The following RAB3C variants were observed in gnomAD, a reference collection of about 807,000 sequenced individuals.
RAB3C encodes the protein RAB3C, member RAS oncogene family, also known as ras-related protein Rab-3C.
Under a neutral mutation model 26.4 loss-of-function variants are expected in RAB3C, and 17 were observed. The ratio of observed to expected loss-of-function variants is 0.64; its 90% CI spans 0.44 to 0.97. RAB3C has a LOEUF of 0.97. Among genes scored for constraint, RAB3C ranks in the 50% least tolerant of loss-of-function variants. RAB3C has a pLI of 0.00. For synonymous variants in RAB3C, 91 were observed against 95.9 expected, an observed-to-expected ratio of 0.95 and a Z score of 0.30; for missense variants, 242 against 281.9, an observed-to-expected ratio of 0.86 and a Z score of 1.01.
intron 2 of RAB3C, among the ~76,000 whole-genome samples, chr5:58,665,217 C>T (rs1747979168): frequency 6.6e-6 from 1 of 151,144 alleles, no homozygotes; most frequent in African/African-American, 2.5e-5. Context: ...AAATTTAATG[C>T]ACAAAAAAAA....
intron 1 of RAB3C, among the ~76,000 whole-genome samples, chr5:58,596,807 A>G (rs1472457890): frequency 2.5e-3 from 249 of 99,110 alleles, no homozygotes; most frequent in African/African-American, 0.01. Flanking sequence ...AATTTATAAT[A>G]TATAATACAT....
At chr5:58,721,742 CTT>C (rs1463339698) in intron 2 of RAB3C, among the ~76,000 whole-genome samples, 1 of 151,616 alleles carries the variant, frequency 6.6e-6, no homozygotes, top group Non-Finnish European at 1.5e-5. Context: ...TAATTTTATT[CTT>C]TATATTTGGA....
At chr5:58,820,861 T>A (rs1743323769) in intron 3 of RAB3C, among the ~76,000 whole-genome samples, 1 of 152,204 alleles carries the variant, frequency 6.6e-6, no homozygotes, top group South Asian at 2.1e-4. Flanking sequence ...TGTATGTGCA[T>A]AAATGTATAA....
At chr5:58,663,886 T>G (rs754278884) in intron 2 of RAB3C, among the ~76,000 whole-genome samples, 1 of 152,220 alleles carries the variant, frequency 6.6e-6, no homozygotes, top group Non-Finnish European at 1.5e-5. Flanking sequence ...TGGCACTTTC[T>G]TATAAAACTA....
At chr5:58,751,717 G>T (rs888405519) in intron 3 of RAB3C, among the ~76,000 whole-genome samples, 4 of 152,210 alleles carry the variant, frequency 2.6e-5, no homozygotes, top group African/African-American at 9.6e-5. Flanking sequence ...TTACTTGAAT[G>T]AAGAGTATAT....
Position 58,851,102 on chromosome 5 carries a change from A to G in RAB3C, c.497-62A>G, listed in dbSNP as rs1186207414. Reference sequence around the variant, plus strand: ...CTCATCACTATTGAAAGCCATAATCAAGTCCCATTTAATTTCAGAAATGCA... The same window carrying G: ...CTCATCACTATTGAAAGCCATAATCGAGTCCCATTTAATTTCAGAAATGCA... On this transcript the variant is annotated intron_variant, in intron 4 of 4. Transcript: ENST00000282878. The G allele has an allele frequency of 2.7e-6, 4 of 1,482,120 alleles. No individual in the cohort carries two copies. In the Admixed American group the frequency reaches 7.9e-5, roughly 29 times the overall value. The allele number at this position is 1,482,120 out of a possible 1,614,324, so 91.8% of individuals were successfully genotyped here.
intron 4 of RAB3C, among the ~76,000 whole-genome samples, chr5:58,848,054 G>A (rs1302540275): frequency 2.6e-5 from 4 of 151,986 alleles, no homozygotes; most frequent in Admixed American, 6.6e-5. Flanking sequence ...GCAGGGTTTC[G>A]CCATGTTGGC....
intron 2 of RAB3C, 152 bp from the exon 3 acceptor site, chr5:58,725,850 T>C: frequency 2.2e-6 from 1 of 463,142 alleles, no homozygotes; most frequent in Non-Finnish European, 3.9e-6. Flanking sequence ...TTTTTAAAAA[T>C]CATTAGGGGA....
intron 2 of RAB3C, among the ~76,000 whole-genome samples, chr5:58,638,116 C>T (rs1221712345): frequency 6.6e-6 from 1 of 152,002 alleles, no homozygotes; most frequent in Non-Finnish European, 1.5e-5. Flanking sequence ...GTTATGTTGC[C>T]TAGTTGACAT....
intron 2 of RAB3C, among the ~76,000 whole-genome samples, chr5:58,722,182 G>A (rs947377444): frequency 1.3e-5 from 2 of 151,794 alleles, no homozygotes; most frequent in African/African-American, 2.4e-5. Flanking sequence ...ACCATCACTG[G>A]AAGAGGTCAA....
intron 2 of RAB3C, among the ~76,000 whole-genome samples, chr5:58,697,988 G>A (rs887105997): frequency 2.6e-5 from 4 of 152,148 alleles, no homozygotes; most frequent in East Asian, 3.8e-4. Context: ...TATTTTGTCC[G>A]TTAATTGATG....
At chr5:58,802,293 G>C (rs1297618249) in intron 3 of RAB3C, among the ~76,000 whole-genome samples, 1 of 152,024 alleles carries the variant, frequency 6.6e-6, no homozygotes, top group Non-Finnish European at 1.5e-5. Context: ...CTGGCTAATG[G>C]GCGAGCACAC....
chr5:58,803,242 A>G (rs1742850222), intron 3 of RAB3C, among the ~76,000 whole-genome samples: 1 of 152,208 alleles, frequency 6.6e-6, no homozygotes, highest in South Asian at 2.1e-4. Context: ...CTGATGTCAG[A>G]AGCACTAAAC....
Position 58,854,007 on chromosome 5 carries a change from T to C in RAB3C, c.*2656T>C, listed in dbSNP as rs1579954905. On this transcript the variant is annotated 3_prime_UTR_variant, in exon 5 of 5. Coordinates refer to ENST00000282878, the MANE Select transcript of RAB3C (RefSeq NM_138453.4). ...ATGTTACTTATAAATTATAACACTA[T>C]AGTTCCAAGGTTTTTCAGCCTTTTG... 2.0e-5 allele frequency: 3 copies of C among 150,916 alleles called. No homozygotes were observed. Among genetic ancestry groups the C allele is most frequent in the South Asian group, 4.2e-4 (2 of 4,758 alleles). 9.3% of individuals were successfully genotyped at this position (150,916 alleles called of 1,614,324 possible).
At chr5:58,785,298 T>A (rs1742353822) in intron 3 of RAB3C, among the ~76,000 whole-genome samples, 1 of 152,190 alleles carries the variant, frequency 6.6e-6, no homozygotes, top group Admixed American at 6.5e-5. Flanking sequence ...AGCCTGGCCC[T>A]TGGGAGTTCT....
At chr5:58,782,297 TG>T (rs1742288524) in intron 3 of RAB3C, among the ~76,000 whole-genome samples, 1 of 152,154 alleles carries the variant, frequency 6.6e-6, no homozygotes, top group Non-Finnish European at 1.5e-5. Context: ...TACATGCTTG[TG>T]TGTTACATGA....
intron 1 of RAB3C, among the ~76,000 whole-genome samples, chr5:58,611,597 ATTTG>A (rs1259529095): frequency 2.6e-5 from 4 of 151,832 alleles, no homozygotes; most frequent in African/African-American, 9.7e-5. Context: ...TCTCTTGTAG[ATTTG>A]TTTAAGTTCC....
intron 3 of RAB3C, among the ~76,000 whole-genome samples, chr5:58,738,264 T>C (rs1300028252): frequency 6.6e-6 from 1 of 152,080 alleles, no homozygotes; most frequent in Non-Finnish European, 1.5e-5. Context: ...AGAAAATAGC[T>C]CTTTAAAGAA....
intron 3 of RAB3C, among the ~76,000 whole-genome samples, chr5:58,784,995 A>G (rs1742346808): frequency 6.6e-6 from 1 of 152,256 alleles, no homozygotes; most frequent in Non-Finnish European, 1.5e-5. Flanking sequence ...CAGTTGTGGT[A>G]GGCTGGATTT....
Sources: allele counts gnomAD v4.1 joint callset (sites outside exome capture counted in the v4.1 genomes callset), GRCh38; gene constraint gnomAD v4.1.1; transcripts MANE v1.5; gene names NCBI Gene and HGNC (gene_info 2026-07-23, HGNC 2026-07-21).